Variants in COL4A4 observed in about 807,000 individuals in gnomAD.
COL4A4 encodes the protein collagen alpha-4(IV) chain.
Under a neutral mutation model 192.9 loss-of-function variants are expected in COL4A4, and 105 were observed. The observed-to-expected ratio is 0.54, with a 90% CI of 0.46 to 0.64. COL4A4 has a LOEUF of 0.64. Ranked by LOEUF, COL4A4 falls within the 30% of genes least tolerant of loss-of-function variation. The pLI is 0.00. For synonymous variants in COL4A4, 762 were observed against 769.9 expected, an observed-to-expected ratio of 0.99 and a Z score of 0.17; for missense variants, 1,967 against 2,169.3, an observed-to-expected ratio of 0.91 and a Z score of 1.85.
At chr2:227,021,309 C>T (rs1965962941) in intron 44 of COL4A4, among the ~76,000 whole-genome samples, 1 of 152,160 alleles carries the variant, frequency 6.6e-6, no homozygotes, top group Admixed American at 6.5e-5. Context: ...TACAGCAAGA[C>T]CCTATTTTTC....
chr2:227,000,421 C>T (rs902660914), downstream of COL4A4, among the ~76,000 whole-genome samples: 1 of 152,216 alleles, frequency 6.6e-6, no homozygotes, highest in Non-Finnish European at 1.5e-5. Flanking sequence ...ACATCTTACT[C>T]CTCATTATAC....
the COL4A4 span, among the ~76,000 whole-genome samples, chr2:226,993,348 G>C: frequency 6.6e-6 from 1 of 152,188 alleles, no homozygotes; most frequent in Non-Finnish European, 1.5e-5. Context: ...TCTGCCCTCA[G>C]CTAGTTCTAA....
rs556966619 is a variant in COL4A4 at position 227,098,125 on chromosome 2, T to A, written c.1204+569A>T. On this transcript the variant is annotated intron_variant, in intron 19 of 47. Transcript: ENST00000396625. ...TGTTTTTGACGCGAGGGAAGAAGACTTTTTTAAAGTAATTATGAATGAAAG... is the reference window on the plus strand; with the variant it reads ...TGTTTTTGACGCGAGGGAAGAAGACATTTTTAAAGTAATTATGAATGAAAG... Among the ~76,000 whole-genome samples, 10 of 152,332 alleles carry A rather than the reference T, an allele frequency of 6.6e-5. No homozygotes were observed. The East Asian group carries it at 1.9e-3, about 29-fold the overall frequency.
At chr2:227,102,687 A>G in intron 15 of COL4A4, 102 bp downstream of exon 15, 2 of 954,850 alleles carry the variant, frequency 2.1e-6, no homozygotes, top group Non-Finnish European at 1.7e-6. Context: ...TACATGAGCT[A>G]TTCTTCACTT....
At chr2:227,038,618 CTG>C (rs1210534148) in intron 37 of COL4A4, among the ~76,000 whole-genome samples, 1 of 152,094 alleles carries the variant, frequency 6.6e-6, no homozygotes, top group South Asian at 2.1e-4. Context: ...TCAATGGTAG[CTG>C]GAATCAAGCC....
At chr2:227,048,614 C>T (rs1973404546) in intron 34 of COL4A4, among the ~76,000 whole-genome samples, 1 of 152,142 alleles carries the variant, frequency 6.6e-6, no homozygotes, top group Non-Finnish European at 1.5e-5. Flanking sequence ...GGCTAGGGTT[C>T]CTTTAGCTTT....
At chr2:227,082,984 T>G (rs539810162) in intron 22 of COL4A4, among the ~76,000 whole-genome samples, 23 of 152,242 alleles carry the variant, frequency 1.5e-4, no homozygotes, top group African/African-American at 5.3e-4. Flanking sequence ...ATCCCAGCAT[T>G]TTGAGAGGCC....
rs747717120 is a variant in COL4A4 at position 227,005,375 on chromosome 2, T to C, written c.*1950A>G. 1 of 152,192 alleles carries C rather than the reference T, an allele frequency of 6.6e-6. No homozygotes were observed. Among genetic ancestry groups the C allele is most frequent in the Non-Finnish European group, 1.5e-5 (1 of 68,032 alleles). 9.4% of individuals were successfully genotyped at this position (152,192 alleles called of 1,614,324 possible). ...GTTCAAGATGAACAGGTTGAACTTT[T>C]AGGAGGGTTGACTTTTGGTAATAGA... On this transcript the variant is annotated 3_prime_UTR_variant, in exon 48 of 48. Transcript: ENST00000396625.
chr2:227,068,238 C>G (rs1178944098), intron 25 of COL4A4, among the ~76,000 whole-genome samples: 14 of 152,018 alleles, frequency 9.2e-5, no homozygotes, highest in Non-Finnish European at 7.4e-5. Context: ...AGCTTACCAA[C>G]TAAAAAGGGT....
At chr2:227,057,068 C>G (rs1191050889) in intron 29 of COL4A4, among the ~76,000 whole-genome samples, 1 of 152,166 alleles carries the variant, frequency 6.6e-6, no homozygotes, top group Non-Finnish European at 1.5e-5. Flanking sequence ...GATCCTAATG[C>G]TCTTTACCTG....
intron 19 of COL4A4, 77 bp from the exon 20 acceptor site, chr2:227,094,366 C>T: frequency 6.8e-7 from 1 of 1,468,070 alleles, no homozygotes; most frequent in East Asian, 2.4e-5. Context: ...AAGATTGGTA[C>T]ACACTTGCTT....
At chr2:227,041,918 G>GAAAGAA (rs1559479488) in intron 37 of COL4A4, among the ~76,000 whole-genome samples, 6 of 150,108 alleles carry the variant, frequency 4.0e-5, no homozygotes, top group East Asian at 1.9e-4. Flanking sequence ...AAGAAAGAAA[G>GAAAGAA]AAAGAAAATG....
chr2:226,981,911 A>C, the COL4A4 span, among the ~76,000 whole-genome samples: 1 of 152,022 alleles, frequency 6.6e-6, no homozygotes, highest in South Asian at 2.1e-4. Flanking sequence ...GAGCTTATCT[A>C]CTCCAAACAG....
At chr2:227,070,618 A>G (rs2058657391) in intron 25 of COL4A4, among the ~76,000 whole-genome samples, 1 of 151,404 alleles carries the variant, frequency 6.6e-6, no homozygotes, top group South Asian at 2.1e-4. Flanking sequence ...CTATCGCAAG[A>G]ACAAAAAACC....
chr2:226,988,619 C>G, the COL4A4 span: 2 of 1,351,002 alleles, frequency 1.5e-6, no homozygotes, highest in Non-Finnish European at 1.9e-6. Context: ...CCCCTCCGAG[C>G]AGACACATTG....
intron 37 of COL4A4, among the ~76,000 whole-genome samples, chr2:227,036,929 A>C (rs1048344792): frequency 6.6e-6 from 1 of 152,200 alleles, no homozygotes; most frequent in African/African-American, 2.4e-5. Flanking sequence ...ACCAGTAAAT[A>C]TGGATACAAA....
Position 227,007,300 on chromosome 2 carries a change from C to T in COL4A4, c.*25G>A. 3 of 1,614,118 alleles carry T rather than the reference C, an allele frequency of 1.9e-6. No homozygotes were observed. The highest frequency in any genetic ancestry group is 2.5e-6 in the Non-Finnish European group (3 of 1,180,020). Reference sequence around the variant, plus strand: ...AGCCCCCTAGGAAGTTTCTCTTGGCCACGTGTTGGTGAATTTCGCATTCTC... The same window carrying T: ...AGCCCCCTAGGAAGTTTCTCTTGGCTACGTGTTGGTGAATTTCGCATTCTC... On this transcript the variant is annotated 3_prime_UTR_variant, in exon 48 of 48. Transcript: ENST00000396625.
At chr2:227,054,254 A>G (rs1349107271) in intron 31 of COL4A4, among the ~76,000 whole-genome samples, 1 of 152,172 alleles carries the variant, frequency 6.6e-6, no homozygotes, top group Non-Finnish European at 1.5e-5. Flanking sequence ...GAGCTTACCA[A>G]CTTCTGTTCT....
chr2:227,065,164 A>G (rs1439693575), intron 25 of COL4A4, among the ~76,000 whole-genome samples: 1 of 152,226 alleles, frequency 6.6e-6, no homozygotes, highest in Non-Finnish European at 1.5e-5. Context: ...CCACCCGAAT[A>G]CTGCGCTTTT....
Sources: gnomAD v4.1 joint callset for allele counts (sites outside exome capture counted in the v4.1 genomes callset) on GRCh38, gnomAD v4.1.1 for gene constraint, MANE v1.5 for transcripts, NCBI Gene and HGNC (gene_info 2026-07-23, HGNC 2026-07-21) for gene names.